STK24: variants seen among roughly 807,000 people sequenced by gnomAD.
STK24 encodes the protein serine/threonine-protein kinase 24.
In STK24, 21 loss-of-function variants were observed where a neutral mutation model predicts 55.6. That is an observed-to-expected ratio of 0.38 (90% confidence interval 0.27 to 0.54). STK24 has a LOEUF of 0.54. Ranked by LOEUF, STK24 falls within the 20% of genes least tolerant of loss-of-function variation. The pLI is 0.79. For synonymous variants in STK24, 200 were observed against 215.2 expected, an observed-to-expected ratio of 0.93 and a Z score of 0.62; for missense variants, 383 against 538.4, an observed-to-expected ratio of 0.71 and a Z score of 2.86.
Position 98,446,098 on chromosome 13 carries a change from A to C in STK24, c.*7075T>G, listed in dbSNP as rs752761414. The C allele has an allele frequency of 6.2e-7, 1 of 1,611,080 alleles. No individual in the cohort carries two copies. Among genetic ancestry groups the C allele is most frequent in the East Asian group, 2.2e-5 (1 of 44,862 alleles). On this transcript the variant is annotated 3_prime_UTR_variant, in exon 11 of 11. Coordinates refer to ENST00000539966, the MANE Select transcript of STK24 (RefSeq NM_001032296.4). ...TCTCACAGGCCTCCTTGCCTTTCAG[A>C]ATCAGTTGTCTGGAAACCTGCTGAG... is the stretch of plus-strand genomic sequence containing the variant.
chr13:98,509,988 A>G (rs1895827754), intron 2 of STK24, among the ~76,000 whole-genome samples: 1 of 152,252 alleles, frequency 6.6e-6, no homozygotes, highest in African/African-American at 2.4e-5. Context: ...TCAAAATATC[A>G]CATGTACCTC....
At chr13:98,530,484 G>A (rs1896553056) in intron 1 of STK24, among the ~76,000 whole-genome samples, 1 of 152,090 alleles carries the variant, frequency 6.6e-6, no homozygotes, top group African/African-American at 2.4e-5. Context: ...GCCCTCTACG[G>A]AGGAGGCACG....
chr13:98,484,021 A>G (rs1216262026), intron 2 of STK24, among the ~76,000 whole-genome samples: 1 of 152,214 alleles, frequency 6.6e-6, no homozygotes, highest in Admixed American at 6.5e-5. Context: ...GGAAACCTCG[A>G]ATGATGTGTC....
chr13:98,469,457 G>A (rs796797827), intron 5 of STK24, among the ~76,000 whole-genome samples: 3 of 152,144 alleles, frequency 2.0e-5, no homozygotes, highest in African/African-American at 7.2e-5. Flanking sequence ...GCTGAGGCAG[G>A]AGAATCATTT....
intron 2 of STK24, among the ~76,000 whole-genome samples, chr13:98,487,496 C>G (rs2139314808): frequency 6.6e-6 from 1 of 152,208 alleles, no homozygotes; most frequent in South Asian, 2.1e-4. Context: ...CCCCCATTAC[C>G]CAGCAAACCA....
At chr13:98,458,171 A>G (rs1893545639) in intron 9 of STK24, among the ~76,000 whole-genome samples, 1 of 152,190 alleles carries the variant, frequency 6.6e-6, no homozygotes. Context: ...CCCAAGAGAA[A>G]TCACAACAGT....
intron 1 of STK24, among the ~76,000 whole-genome samples, chr13:98,535,595 G>A (rs1160493653): frequency 1.3e-5 from 2 of 152,058 alleles, no homozygotes; most frequent in South Asian, 4.2e-4. Context: ...CTCCTCCCAC[G>A]GGAAGGCCTT....
intron 5 of STK24, among the ~76,000 whole-genome samples, chr13:98,470,617 T>C (rs1288014272): frequency 1.3e-5 from 2 of 152,168 alleles, no homozygotes; most frequent in Non-Finnish European, 2.9e-5. Flanking sequence ...AATGCACACA[T>C]TAACTGCGAA....
At position 98,534,490 on chromosome 13, in the gene STK24, T is replaced by C. The variant is rs552865682; in HGVS notation, c.43-15017A>G. ...CCCCCTTCTTGCCTGGGGACTATAC[T>C]ACCTTTGTAAGGCTAACAAATTAGC... is the stretch of plus-strand genomic sequence containing the variant. On this transcript the variant is annotated intron_variant, in intron 1 of 10. Coordinates refer to ENST00000539966, the MANE Select transcript of STK24 (RefSeq NM_001032296.4). 9.8e-5 allele frequency among the ~76,000 whole-genome samples: 15 copies of C among 152,328 alleles called. No individual in the cohort carries two copies. The East Asian group carries it at 2.5e-3, about 25-fold the overall frequency.
chr13:98,517,521 T>G (rs1566380837), intron 2 of STK24, among the ~76,000 whole-genome samples: 1 of 151,984 alleles, frequency 6.6e-6, no homozygotes, highest in Non-Finnish European at 1.5e-5. Context: ...TCCCAGCTAC[T>G]CAGGAGGCTG....
chr13:98,499,100 A>G (rs1376348636), intron 2 of STK24, among the ~76,000 whole-genome samples: 1 of 152,124 alleles, frequency 6.6e-6, no homozygotes, highest in African/African-American at 2.4e-5. Flanking sequence ...TACAAAAATT[A>G]GCCAGCATAG....
At chr13:98,473,042 AC>A (rs1269339189) in intron 5 of STK24, among the ~76,000 whole-genome samples, 3 of 151,598 alleles carry the variant, frequency 2.0e-5, no homozygotes, top group Non-Finnish European at 4.4e-5. Context: ...AATGGTGACT[AC>A]AACACAGCAC....
chr13:98,555,813 T>G (rs1362490482), intron 1 of STK24, among the ~76,000 whole-genome samples: 5 of 150,164 alleles, frequency 3.3e-5, no homozygotes, highest in Non-Finnish European at 5.9e-5. Context: ...CCCGAGTAGC[T>G]GGGACTACAG....
chr13:98,463,684 G>A lies in STK24; in HGVS notation c.929+7C>T, dbSNP rs756084369. On this transcript the variant is annotated splice_region_variant and intron_variant, in intron 7 of 10. Coordinates refer to ENST00000539966, the MANE Select transcript of STK24 (RefSeq NM_001032296.4). ...CACATGCTTGGGTCACTCAGGGGCC[G>A]ACTTACGCGTCGGAATCCTCGGAGC... The A allele has an allele frequency of 1.6e-5, 25 of 1,612,628 alleles. No individual in the cohort carries two copies. The highest frequency in any genetic ancestry group is 4.4e-5 in the South Asian group (4 of 90,972).
At chr13:98,456,265 A>C (rs1893449069) in intron 10 of STK24, 4 of 347,508 alleles carry the variant, frequency 1.2e-5, no homozygotes, top group Non-Finnish European at 2.3e-5. Flanking sequence ...AAGGGACCTC[A>C]CGTGTGCAAA....
At chr13:98,567,841 T>C (rs1217304745) in intron 1 of STK24, among the ~76,000 whole-genome samples, 1 of 140,806 alleles carries the variant, frequency 7.1e-6, no homozygotes, top group Non-Finnish European at 1.5e-5. Flanking sequence ...GAAATCCCAC[T>C]AAAATCATAA....
chr13:98,540,936 G>A (rs1363152665), intron 1 of STK24, among the ~76,000 whole-genome samples: 1 of 152,010 alleles, frequency 6.6e-6, no homozygotes, highest in Non-Finnish European at 1.5e-5. Context: ...GTCTGAAGAA[G>A]CTCCCCAGGC....
chr13:98,576,762 C>T lies in STK24; in HGVS notation c.25G>A (p.Gly9Ser). Residue 9 changes from glycine to serine, a missense_variant, in exon 1 of 11, where the codon GGC becomes AGC. Gly to Ser is a moderately conservative substitution (Grantham distance 56). Coordinates refer to ENST00000539966, the MANE Select transcript of STK24 (RefSeq NM_001032296.4). MAHSPVQSGLPGMQNLKAD... is the reference protein window; with the variant it reads MAHSPVQSSLPGMQNLKAD... ...CCGCCTACCTGCATGCCGGGCAGGC[C>T]CGACTGCACCGGGGAGTGAGCCATG... 1.4e-6 allele frequency: 2 copies of T among 1,454,110 alleles called. No homozygotes were observed. Among genetic ancestry groups the T allele is most frequent in the Non-Finnish European group, 1.8e-6 (2 of 1,106,778 alleles). The allele number at this position is 1,454,110 out of a possible 1,614,324, so 90.1% of individuals were successfully genotyped here. A position where few individuals can be genotyped will look rare whatever the true frequency, so the allele number is the denominator to read the frequency against.
intron 2 of STK24, among the ~76,000 whole-genome samples, chr13:98,494,428 A>AAAAAAAAAT (rs58955737): frequency 2.0e-5 from 3 of 148,884 alleles, no homozygotes; most frequent in Non-Finnish European, 4.5e-5. Flanking sequence ...AAAAAAAAAA[A>AAAAAAAAAT]GTGCCTCTAA....
Sources: allele counts gnomAD v4.1 joint callset (sites outside exome capture counted in the v4.1 genomes callset), GRCh38; gene constraint gnomAD v4.1.1; transcripts MANE v1.5; gene names NCBI Gene and HGNC (gene_info 2026-07-23, HGNC 2026-07-21).